Variants in UNC93B1 observed in about 807,000 individuals in gnomAD.
UNC93B1 encodes the protein protein unc-93 homolog B1.
Under a neutral mutation model 56.8 loss-of-function variants are expected in UNC93B1, and 33 were observed. The ratio of observed to expected loss-of-function variants is 0.58; its 90% CI spans 0.44 to 0.78. The LOEUF is 0.78. Ranked by LOEUF, UNC93B1 falls within the 30% of genes least tolerant of loss-of-function variation. The pLI, the probability that UNC93B1 is intolerant of heterozygous loss-of-function variation, is 0.00. For missense variants in UNC93B1, 673 were observed against 819.5 expected, an observed-to-expected ratio of 0.82 and a Z score of 2.18; for synonymous variants, 334 against 358.6, an observed-to-expected ratio of 0.93 and a Z score of 0.77.
rs1590760707 is a variant in UNC93B1 at position 67,996,612 on chromosome 11, C to A, written c.1079G>T (p.Gly360Val). Residue 360 changes from glycine (G) to valine (V), a missense_variant, in exon 8 of 11, where the codon GGT becomes GTT. This residue lies in a region of UNC93B1 where 155 missense variants were observed against 268.3 expected (regional missense o/e 0.58). Transcript: ENST00000227471. ...GCAGGCTGTACTTACCAAGGCGATA[C>A]CAGTGCAGGCAAAGAGCACCTCGAA... ...SGFEVLFACT[G>V]IALGYGVCSV... 1.3e-6 allele frequency: 2 copies of A among 1,548,942 alleles called. No homozygotes were observed. Among genetic ancestry groups the A allele is most frequent in the Non-Finnish European group, 8.7e-7 (1 of 1,144,872 alleles).
At chr11:67,997,534 C>G in intron 7 of UNC93B1, 141 bp downstream of exon 7, 2 of 1,410,686 alleles carry the variant, frequency 1.4e-6, no homozygotes, top group Non-Finnish European at 1.9e-6. Context: ...CAACTCAGAT[C>G]GCGCTCCCAG....
In UNC93B1 at chr11:68,003,814, G is replaced by A; in HGVS notation, c.97-16C>T. The stretch of plus-strand genomic sequence containing the variant: ...GCTCGTCCAGCTGCGAGCCACGCAC[G>A]CCGCTCGCACCCGCGATCGCGCCCC... On this transcript the variant is annotated splice_polypyrimidine_tract_variant and intron_variant, in intron 1 of 10. Transcript: ENST00000227471. This position sits in a 1 kb window ranked among gnomAD's most constrained non-coding sequence, Gnocchi z 4.4. 2.0e-6 allele frequency: 3 copies of A among 1,463,964 alleles called. No individual in the cohort carries two copies. Among genetic ancestry groups the A allele is most frequent in the Non-Finnish European group, 9.0e-7 (1 of 1,111,840 alleles). 90.7% of individuals were successfully genotyped at this position (1,463,964 alleles called of 1,614,324 possible).
intron 10 of UNC93B1, among the ~76,000 whole-genome samples, chr11:67,992,693 C>G (rs1437002311): frequency 8.6e-5 from 11 of 127,526 alleles, no homozygotes; most frequent in African/African-American, 3.4e-4. Context: ...AAGACAGAGT[C>G]TCGCTCTGTC....
In UNC93B1 at chr11:67,991,526, T is replaced by G. The variant is rs773729482; in HGVS notation, c.*20A>C. ...GAGGCCGGCGAGGAGGGAGGCTGAG[T>G]CCGGGGACCAGGCGGCCCCTCACTG... On this transcript the variant is annotated 3_prime_UTR_variant, in exon 11 of 11. Transcript: ENST00000227471. 663 of 1,390,502 alleles carry G rather than the reference T, an allele frequency of 4.8e-4. 1 individual carries two copies. Among genetic ancestry groups the G allele is most frequent in the South Asian group, 1.3e-3 (83 of 63,276 alleles). 86.1% of individuals were successfully genotyped at this position (1,390,502 alleles called of 1,614,324 possible).
intron 3 of UNC93B1, 115 bp from the exon 4 acceptor site, chr11:67,999,795 A>G: frequency 7.3e-7 from 1 of 1,363,546 alleles, no homozygotes; most frequent in East Asian, 2.5e-5. Flanking sequence ...AGGTAGAGAG[A>G]GTCGAGGGCA....
At chr11:67,997,565 C>T in intron 7 of UNC93B1, 110 bp downstream of exon 7, 1 of 1,550,132 alleles carries the variant, frequency 6.5e-7, no homozygotes, top group Non-Finnish European at 8.7e-7. Context: ...TGCCCCGAGG[C>T]CACAACCCGA....
rs1857090857 is a variant in UNC93B1, at chr11:68,003,882, G to GC, written c.96+65dup. 1.5e-5 allele frequency: 19 copies of GC among 1,278,140 alleles called. No individual in the cohort carries two copies. The South Asian group carries it at 3.5e-4, about 23-fold the overall frequency. The allele number at this position is 1,278,140 out of a possible 1,614,324, so 79.2% of individuals were successfully genotyped here. ...TGCCCGCCGCCCCCCGGCCCGCCCC[G>GC]CCCCCGCCGGGGGGACCCTGGCCCA... On this transcript the variant is annotated intron_variant, in intron 1 of 10. Coordinates refer to ENST00000227471, the MANE Select transcript of UNC93B1 (RefSeq NM_030930.4). This position sits in a 1 kb window ranked among gnomAD's most constrained non-coding sequence, Gnocchi z 4.4.
At chr11:67,998,087 T>C (rs1268956391) in intron 6 of UNC93B1, among the ~76,000 whole-genome samples, 4 of 152,202 alleles carry the variant, frequency 2.6e-5, no homozygotes, top group East Asian at 1.9e-4. Flanking sequence ...CCTGCACTGA[T>C]TGAGCTCTGA....
Position 67,993,675 on chromosome 11 carries a change from C to T in UNC93B1, c.1482+1G>A. ...GGGCCCCCAACCCTGCCCAGTCTCACCTTCATGTGCAGGCTCGAGCCCAGG... is the reference window on the plus strand; with the variant it reads ...GGGCCCCCAACCCTGCCCAGTCTCATCTTCATGTGCAGGCTCGAGCCCAGG... On this transcript the variant is annotated splice_donor_variant, in intron 10 of 10. Transcript: ENST00000227471. LOFTEE classifies it high-confidence loss of function. The T allele has an allele frequency of 1.8e-6, 2 of 1,125,678 alleles. No individual in the cohort carries two copies. Among genetic ancestry groups the T allele is most frequent in the Non-Finnish European group, 2.6e-6 (2 of 773,876 alleles). The allele number at this position is 1,125,678 out of a possible 1,614,324, so 69.7% of individuals were successfully genotyped here.
rs547582072 is a variant in UNC93B1 at position 67,991,422 on chromosome 11, G to A, written c.*124C>T. ...GGGCTCTGGGAGGGGCGTCCCCAACGTGGGGGAGGGGAGACAGGGGCCTTT... is the reference window on the plus strand; with the variant it reads ...GGGCTCTGGGAGGGGCGTCCCCAACATGGGGGAGGGGAGACAGGGGCCTTT... On this transcript the variant is annotated 3_prime_UTR_variant, in exon 11 of 11. Transcript: ENST00000227471. 346 of 987,410 alleles carry A rather than the reference G, an allele frequency of 3.5e-4. No homozygotes were observed. The highest frequency in any genetic ancestry group is 6.7e-5 in the Non-Finnish European group (49 of 734,376). 61.2% of individuals were successfully genotyped at this position (987,410 alleles called of 1,614,324 possible). A position where few individuals can be genotyped will look rare whatever the true frequency, so the allele number is the denominator to read the frequency against.
intron 7 of UNC93B1, 78 bp downstream of exon 7, chr11:67,997,597 C>T: frequency 6.3e-7 from 1 of 1,589,494 alleles, no homozygotes. Context: ...CCATCCGATC[C>T]AGACCCTTTC....
In UNC93B1 at chr11:67,991,616, G is replaced by T. The variant is rs535779712; in HGVS notation, c.1724C>A (p.Pro575His). 13,280 of 1,501,360 alleles carry T rather than the reference G, an allele frequency of 8.8e-3. 74 individuals are homozygous for T. Among genetic ancestry groups the T allele is most frequent in the Non-Finnish European group, 0.011 (12,036 of 1,133,892 alleles). 93.0% of individuals were successfully genotyped at this position (1,501,360 alleles called of 1,614,324 possible). ...GCAGGGCCGGCGGCCGAGTCCAGCGGGCTCGGGGCCAGGCCTGGGCCCTGC... is the reference window on the plus strand; with the variant it reads ...GCAGGGCCGGCGGCCGAGTCCAGCGTGCTCGGGGCCAGGCCTGGGCCCTGC... ...PPAGPRPGPE[P>H]AGLGRRPCPY... The change falls in exon 11 of 11, where the codon CCC becomes CAC. Residue 575 changes from proline (P) to histidine (H), a missense_variant. Physicochemically the swap from Pro to His is moderately conservative, Grantham distance 77 (BLOSUM62 -2). Around this residue, in one of 3 missense-constraint regions of UNC93B1, gnomAD observed 80 missense variants for 85.3 expected, o/e 0.94. Transcript: ENST00000227471.
Position 68,003,206 on chromosome 11 carries a change from G to A in UNC93B1, c.239-31C>T, listed in dbSNP as rs772433202. The A allele has an allele frequency of 1.8e-5, 28 of 1,592,080 alleles. No homozygotes were observed. In the Admixed American group the frequency reaches 4.4e-4, roughly 25 times the overall value. On this transcript the variant is annotated intron_variant, in intron 2 of 10. Coordinates refer to ENST00000227471, the MANE Select transcript of UNC93B1 (RefSeq NM_030930.4). The surrounding 1 kb of genome is among the most constrained non-coding windows in gnomAD (Gnocchi z 4.4). ...GACAGGACAGAGAGCGGCGTGCAGGGAGCAGCCTAGCTTTGGGCGCCACCG... is the reference window on the plus strand; with the variant it reads ...GACAGGACAGAGAGCGGCGTGCAGGAAGCAGCCTAGCTTTGGGCGCCACCG...
chr11:67,997,617 C>T (rs1856970377), intron 7 of UNC93B1, 58 bp downstream of exon 7: 5 of 1,593,844 alleles, frequency 3.1e-6, no homozygotes, highest in Admixed American at 3.3e-5. Context: ...CTCGCAGACT[C>T]GGTCCCCAGA....
At position 67,991,607 on chromosome 11, in the gene UNC93B1, A is replaced by C. The variant is rs1402199169; in HGVS notation, c.1733T>G (p.Leu578Arg). The change falls in exon 11 of 11, where the codon CTC (leucine) becomes CGC (arginine). Residue 578 changes from leucine to arginine, a missense_variant. This residue lies in a region of UNC93B1 where 80 missense variants were observed against 85.3 expected (regional missense o/e 0.94). Coordinates refer to ENST00000227471, the MANE Select transcript of UNC93B1 (RefSeq NM_030930.4). ...GPRPGPEPAGLGRRPCPYEQA... is the reference protein window; with the variant it reads ...GPRPGPEPAGRGRRPCPYEQA... ...TTCGTACGGGCAGGGCCGGCGGCCGAGTCCAGCGGGCTCGGGGCCAGGCCT... is the reference window on the plus strand; with the variant it reads ...TTCGTACGGGCAGGGCCGGCGGCCGCGTCCAGCGGGCTCGGGGCCAGGCCT... 1 of 1,494,298 alleles carries C rather than the reference A, an allele frequency of 6.7e-7. No homozygotes were observed. Among genetic ancestry groups the C allele is most frequent in the Non-Finnish European group, 8.8e-7 (1 of 1,131,394 alleles). 92.6% of individuals were successfully genotyped at this position (1,494,298 alleles called of 1,614,324 possible). A position where few individuals can be genotyped will look rare whatever the true frequency, so the allele number is the denominator to read the frequency against.
At chr11:67,995,268 T>A (rs1253577846) in intron 9 of UNC93B1, among the ~76,000 whole-genome samples, 1 of 152,124 alleles carries the variant, frequency 6.6e-6, no homozygotes, top group Non-Finnish European at 1.5e-5. Flanking sequence ...GCCCCACACC[T>A]GCCCCATGTA....
chr11:67,991,931 TGA>T, intron 10 of UNC93B1, 74 bp from the exon 11 acceptor site: 1 of 1,462,844 alleles, frequency 6.8e-7, no homozygotes, highest in Non-Finnish European at 9.1e-7. Flanking sequence ...TGCCCCTCGC[TGA>T]GATAGGCCCT....
intron 9 of UNC93B1, among the ~76,000 whole-genome samples, chr11:67,994,732 T>C (rs1856906872): frequency 1.3e-5 from 2 of 152,152 alleles, no homozygotes; most frequent in African/African-American, 4.8e-5. Flanking sequence ...CAGCCCCTGC[T>C]ACAGACAGAG....
intron 3 of UNC93B1, 140 bp downstream of exon 3, chr11:68,002,880 AGG>A (rs1470425712): frequency 8.7e-7 from 1 of 1,146,434 alleles, no homozygotes; most frequent in Non-Finnish European, 1.2e-6. Flanking sequence ...CTTCACTCTC[AGG>A]CTTCCGGGTA....
Sources: gnomAD v4.1 joint callset for allele counts (sites outside exome capture counted in the v4.1 genomes callset) on GRCh38, gnomAD v4.1.1 for gene constraint, gnomAD v4.1.1 regional missense constraint, Gnocchi (gnomAD v3.1) non-coding constraint, MANE v1.5 for transcripts, NCBI Gene and HGNC (gene_info 2026-07-23, HGNC 2026-07-21) for gene names.